Variants in GALNT15 observed in about 807,000 individuals in gnomAD.
GALNT15 encodes UDP-GalNAc transferase T15.
GALNT15 carries 67 observed loss-of-function variants against 66.8 expected under a neutral mutation model. The observed-to-expected ratio is 1.00, with a 90% CI of 0.82 to 1.23. GALNT15 has a LOEUF of 1.23. Ranked by LOEUF, GALNT15 falls within the 50% of genes most tolerant of loss-of-function variation. GALNT15 has a pLI of 0.00. For missense variants in GALNT15, 827 were observed against 804.3 expected (o/e 1.03, Z -0.34); for synonymous variants, 313 against 311.5 (o/e 1.00, Z -0.05).
In GALNT15 at chr3:16,203,543, T is replaced by TCTCACACACACACA. The variant is rs1491187404; in HGVS notation, c.911+2721_911+2722insTCACACACACACAC. On this transcript the variant is annotated intron_variant, in intron 3 of 9. Coordinates refer to ENST00000339732, the MANE Select transcript of GALNT15 (RefSeq NM_054110.5). The surrounding 1 kb of genome is among the most constrained non-coding windows in gnomAD (Gnocchi z 6.2). ...CATTCTCTCTCTCTCTCTCTCTCTC[T>TCTCACACACACACA]CACACACACACACACACACACACAC... Among the ~76,000 whole-genome samples the TCTCACACACACACA allele has an allele frequency of 2.1e-4, 13 of 61,160 alleles. No individual in the cohort carries two copies. Among genetic ancestry groups the TCTCACACACACACA allele is most frequent in the African/African-American group, 3.3e-4 (6 of 18,316 alleles). 40.1% of individuals were successfully genotyped at this position (61,160 alleles called of 152,430 possible).
intron 6 of GALNT15, among the ~76,000 whole-genome samples, chr3:16,215,905 C>T (rs62233861): frequency 4.7e-4 from 26 of 55,360 alleles, no homozygotes; most frequent in African/African-American, 2.5e-3. Flanking sequence ...GGAGACTCCG[C>T]CAAAAAAAAA....
At chr3:16,177,825 T>C (rs2063426698) in intron 1 of GALNT15, among the ~76,000 whole-genome samples, 1 of 152,242 alleles carries the variant, frequency 6.6e-6, no homozygotes, top group African/African-American at 2.4e-5. Flanking sequence ...AAATGCATTG[T>C]GTGAATGGGA....
rs1296785117 is a variant in GALNT15, at chr3:16,211,961, G to C, written c.1198-608G>C. Among the ~76,000 whole-genome samples the C allele has an allele frequency of 4.6e-5, 7 of 152,082 alleles. No homozygotes were observed. The highest frequency in any genetic ancestry group is 9.7e-5 in the African/African-American group (4 of 41,394). ...CACATAATTTGGGAACTCCAGTTTT[G>C]GTGTTTCCATTCATATGCTGCTTAT... is the stretch of plus-strand genomic sequence containing the variant. On this transcript the variant is annotated intron_variant, in intron 5 of 9. Coordinates refer to ENST00000339732, the MANE Select transcript of GALNT15 (RefSeq NM_054110.5). The surrounding 1 kb of genome is among the most constrained non-coding windows in gnomAD (Gnocchi z 4.3).
intron 8 of GALNT15, among the ~76,000 whole-genome samples, chr3:16,221,379 C>A (rs1334707741): frequency 6.6e-6 from 1 of 151,064 alleles, no homozygotes; most frequent in East Asian, 1.9e-4. Context: ...ATATGAAACA[C>A]CCTTTTTCAT....
intron 6 of GALNT15, among the ~76,000 whole-genome samples, chr3:16,215,201 T>C (rs185840376): frequency 1.3e-5 from 2 of 152,366 alleles, no homozygotes; most frequent in Admixed American, 6.5e-5. Context: ...TTGGTGCAAT[T>C]AGAAGTGCCT....
rs935112669 is a variant in GALNT15, at chr3:16,180,729, G to C, written c.539+5039G>C. On this transcript the variant is annotated intron_variant, in intron 1 of 9. Coordinates refer to ENST00000339732, the MANE Select transcript of GALNT15 (RefSeq NM_054110.5). This position sits in a 1 kb window ranked among gnomAD's most constrained non-coding sequence, Gnocchi z 5.0. ...TAGAAAAGAGAGCAGAGAGGAACAG[G>C]CTCCCTCATGGCCCCGGCAGTTTGT... Among the ~76,000 whole-genome samples the C allele has an allele frequency of 6.6e-6, 1 of 152,196 alleles. No individual in the cohort carries two copies. The highest frequency in any genetic ancestry group is 1.5e-5 in the Non-Finnish European group (1 of 68,038).
chr3:16,229,420 G>T lies in GALNT15; in HGVS notation c.*1920G>T. Reference sequence around the variant, plus strand: ...CCTGTGGCTAGGGTCTACTTCTACTGTATTGGCGAGCATGGATATAGAACA... The same window carrying T: ...CCTGTGGCTAGGGTCTACTTCTACTTTATTGGCGAGCATGGATATAGAACA... On this transcript the variant is annotated 3_prime_UTR_variant, in exon 10 of 10. Transcript: ENST00000339732. 8 of 903,064 alleles carry T rather than the reference G, an allele frequency of 8.9e-6. No homozygotes were observed. The highest frequency in any genetic ancestry group is 1.1e-5 in the Non-Finnish European group (8 of 754,924). The allele number at this position is 903,064 out of a possible 1,614,324, so 55.9% of individuals were successfully genotyped here.
At chr3:16,205,316 C>T (rs899104494) in intron 3 of GALNT15, among the ~76,000 whole-genome samples, 5 of 152,156 alleles carry the variant, frequency 3.3e-5, no homozygotes, top group East Asian at 1.9e-4. Context: ...ATGAGATAAA[C>T]GAGGGCTTAT....
At chr3:16,233,806 G>T (rs2064107224), downstream of GALNT15, among the ~76,000 whole-genome samples, 1 of 152,194 alleles carries the variant, frequency 6.6e-6, no homozygotes, top group Non-Finnish European at 1.5e-5. Flanking sequence ...CAGATTTTCA[G>T]CTCTTCTCAG....
At chr3:16,232,512 T>TATATA (rs56354612), downstream of GALNT15, among the ~76,000 whole-genome samples, 574 of 39,918 alleles carry the variant, frequency 0.014, 98 homozygotes, top group South Asian at 0.022. Context: ...ATATATATAT[T>TATATA]TATTTAAAAG....
rs14576 is a variant in GALNT15 at position 16,227,479 on chromosome 3, C to A, written c.1899C>A (p.Ile633=). 543,252 of 1,612,866 alleles carry A rather than the reference C, an allele frequency of 0.34. 92,921 individuals carry two copies. The highest frequency in any genetic ancestry group is 0.36 in the Admixed American group (21,529 of 59,986). Residue 633 remains isoleucine (I), a synonymous_variant, in exon 10 of 10, where the codon ATC becomes ATA. Coordinates refer to ENST00000339732, the MANE Select transcript of GALNT15 (RefSeq NM_054110.5). The surrounding 1 kb of genome is among the most constrained non-coding windows in gnomAD (Gnocchi z 4.5). ...GCCAGCAGTGGCGTTTTGACCAGATCAATGCTGTGGATGAACGATGAATGT... is the reference window on the plus strand; with the variant it reads ...GCCAGCAGTGGCGTTTTGACCAGATAAATGCTGTGGATGAACGATGAATGT... The part of the protein sequence containing the change: ...KARQQWRFDQ[I]NAVDER
At chr3:16,242,929 C>A in the GALNT15 span, among the ~76,000 whole-genome samples, 3 of 152,080 alleles carry the variant, frequency 2.0e-5, no homozygotes, top group South Asian at 6.2e-4. The surrounding 1 kb of genome is among the most constrained non-coding windows in gnomAD (Gnocchi z 5.6). Context: ...TCCCAGGAAG[C>A]AGGAGTGAGA....
rs924720662 is a variant in GALNT15 at position 16,186,535 on chromosome 3, C to A, written c.540-9225C>A. 3.9e-5 allele frequency among the ~76,000 whole-genome samples: 6 copies of A among 152,250 alleles called. No homozygotes were observed. Among genetic ancestry groups the A allele is most frequent in the Non-Finnish European group, 7.4e-5 (5 of 68,018 alleles). On this transcript the variant is annotated intron_variant, in intron 1 of 9. Transcript: ENST00000339732. The surrounding 1 kb of genome is among the most constrained non-coding windows in gnomAD (Gnocchi z 5.1). ...TAATATAAGTCAAAATAGGAGCAAT[C>A]CAAATGTCCATCAGCTGATGAATGG... is the stretch of plus-strand genomic sequence containing the variant.
At position 16,191,338 on chromosome 3, in the gene GALNT15, A is replaced by C; in HGVS notation, c.540-4422A>C. On this transcript the variant is annotated intron_variant, in intron 1 of 9. Transcript: ENST00000339732. This position sits in a 1 kb window ranked among gnomAD's most constrained non-coding sequence, Gnocchi z 5.2. ...GAGAGGTACCTCTTGTAGTAATGGG[A>C]CATCTGTTAATAATGGCAGCAAACG... The C allele has an allele frequency of 1.0e-6, 1 of 985,104 alleles. No individual in the cohort carries two copies. Among genetic ancestry groups the C allele is most frequent in the Non-Finnish European group, 1.2e-6 (1 of 829,646 alleles). 61.0% of individuals were successfully genotyped at this position (985,104 alleles called of 1,614,324 possible). A position where few individuals can be genotyped will look rare whatever the true frequency, so the allele number is the denominator to read the frequency against.
At chr3:16,247,132 G>GTC in the GALNT15 span, among the ~76,000 whole-genome samples, 1 of 151,070 alleles carries the variant, frequency 6.6e-6, no homozygotes, top group Non-Finnish European at 1.5e-5. Flanking sequence ...GTGTGTGTGT[G>GTC]TGTCTGTTTG....
intron 3 of GALNT15, among the ~76,000 whole-genome samples, chr3:16,202,388 T>G (rs1441833404): frequency 6.6e-6 from 1 of 152,116 alleles, no homozygotes; most frequent in African/African-American, 2.4e-5. Context: ...ATCCCAGCAC[T>G]TTGGGAGGCC....
At chr3:16,244,125 A>G in the GALNT15 span, 4 of 497,562 alleles carry the variant, frequency 8.0e-6, no homozygotes, top group Non-Finnish European at 1.0e-5. Flanking sequence ...GGACTCTTCT[A>G]TCTCCTAAAG....
chr3:16,219,358 C>A lies in GALNT15; in HGVS notation c.1393-45C>A, dbSNP rs1167473975. 2 of 1,605,606 alleles carry A rather than the reference C, an allele frequency of 1.2e-6. No individual in the cohort carries two copies. Among genetic ancestry groups the A allele is most frequent in the Non-Finnish European group, 1.7e-6 (2 of 1,175,758 alleles). Reference sequence around the variant, plus strand: ...CATCCCCAACCATGTGAATTCTGGGCAAGACAAGCTTTCATCATCCTGCTT... The same window carrying A: ...CATCCCCAACCATGTGAATTCTGGGAAAGACAAGCTTTCATCATCCTGCTT... On this transcript the variant is annotated intron_variant, in intron 6 of 9. Transcript: ENST00000339732. This position sits in a 1 kb window ranked among gnomAD's most constrained non-coding sequence, Gnocchi z 4.3.
At position 16,188,164 on chromosome 3, in the gene GALNT15, G is replaced by A. The variant is rs2124848952; in HGVS notation, c.540-7596G>A. 6.6e-6 allele frequency among the ~76,000 whole-genome samples: 1 copy of A among 152,322 alleles called. No homozygotes were observed. Among genetic ancestry groups the A allele is most frequent in the African/African-American group, 2.4e-5 (1 of 41,572 alleles). On this transcript the variant is annotated intron_variant, in intron 1 of 9. Transcript: ENST00000339732. The surrounding 1 kb of genome is among the most constrained non-coding windows in gnomAD (Gnocchi z 4.6). ...CCCCCAGACCATTATCCTGGCTCCG[G>A]CTGTATATACTTGTAAGGGGGCGTC...
Sources: gnomAD v4.1 joint callset for allele counts (sites outside exome capture counted in the v4.1 genomes callset) on GRCh38, gnomAD v4.1.1 for gene constraint, Gnocchi (gnomAD v3.1) non-coding constraint, MANE v1.5 for transcripts, NCBI Gene and HGNC (gene_info 2026-07-23, HGNC 2026-07-21) for gene names.